The following CYB5R3 variants were observed in gnomAD, a reference collection of about 807,000 sequenced individuals.
CYB5R3 encodes the protein NADH-cytochrome b5 reductase 3.
In CYB5R3, 28 loss-of-function variants were observed where a neutral mutation model predicts 36.5. The observed-to-expected ratio is 0.77, with a 90% CI of 0.57 to 1.05. CYB5R3 has a LOEUF of 1.05. Among genes scored for constraint, CYB5R3 ranks in the 50% least tolerant of loss-of-function variants. CYB5R3 has a pLI of 0.00. For missense variants in CYB5R3, 474 were observed against 408.9 expected (o/e 1.16, Z -1.37); for synonymous variants, 181 against 159.8 (o/e 1.13, Z -1.00).
intron 8 of CYB5R3, among the ~76,000 whole-genome samples, chr22:42,620,515 A>G (rs1927907787): frequency 6.6e-6 from 1 of 152,074 alleles, no homozygotes; most frequent in Non-Finnish European, 1.5e-5. Context: ...TGCCCCCTCG[A>G]GCCCTGAGCG....
chr22:42,631,016 G>A (rs1336879059), intron 3 of CYB5R3, 28 bp from the exon 4 acceptor site: 1 of 1,594,990 alleles, frequency 6.3e-7, no homozygotes, highest in Admixed American at 1.7e-5. Flanking sequence ...GTCACTCTGG[G>A]CCAGAGATCA....
At chr22:42,631,328 C>T (rs1928604083) in intron 3 of CYB5R3, 50 bp downstream of exon 3, 2 of 1,496,042 alleles carry the variant, frequency 1.3e-6, no homozygotes, top group South Asian at 1.2e-5. Context: ...TGATCTAGTG[C>T]CCCAGCAGCC....
At chr22:42,628,324 T>C in intron 4 of CYB5R3, 43 bp from the exon 5 acceptor site, 1 of 1,611,046 alleles carries the variant, frequency 6.2e-7, no homozygotes. Context: ...GCTCCAGGTC[T>C]CAGGGGCGAG....
At chr22:42,627,978 C>T (rs1297939961) in intron 5 of CYB5R3, among the ~76,000 whole-genome samples, 174 bp downstream of exon 5, 3 of 152,070 alleles carry the variant, frequency 2.0e-5, no homozygotes, top group Non-Finnish European at 2.9e-5. Context: ...ACCCCTGTGC[C>T]AGCAACTTAC....
rs67349863 is a variant in CYB5R3, at chr22:42,638,728, T to TAA, written c.22-1884_22-1883dup. Among the ~76,000 whole-genome samples, 44 of 47,502 alleles carry TAA rather than the reference T, an allele frequency of 9.3e-4. 3 individuals carry two copies. The highest frequency in any genetic ancestry group is 1.2e-3 in the Non-Finnish European group (34 of 27,750). 31.2% of individuals were successfully genotyped at this position (47,502 alleles called of 152,430 possible). A position where few individuals can be genotyped will look rare whatever the true frequency, so the allele number is the denominator to read the frequency against. The stretch of plus-strand genomic sequence containing the variant: ...GCCTGGGAGACAGAGCAAGACTCCA[T>TAA]AAAAAAAAAAAAAAAAAAAAAAGGC... On this transcript the variant is annotated intron_variant, in intron 1 of 8. Transcript: ENST00000352397.
At position 42,627,120 on chromosome 22, in the gene CYB5R3, C is replaced by T. The variant is rs874341; in HGVS notation, c.633+184G>A. ...CCCTCAGCCAGACACAGGCGCTGCA[C>T]CACAAAGCCTGCCCGCCGTGCTGCT... On this transcript the variant is annotated intron_variant, in intron 7 of 8. Transcript: ENST00000352397. Among the ~76,000 whole-genome samples, 253 of 152,326 alleles carry T rather than the reference C, an allele frequency of 1.7e-3. 2 individuals are homozygous for T. The highest frequency in any genetic ancestry group is 5.8e-3 in the African/African-American group (240 of 41,578).
chr22:42,636,678 T>C (rs1404478358), intron 2 of CYB5R3, 37 bp downstream of exon 2: 2 of 1,604,458 alleles, frequency 1.2e-6, no homozygotes, highest in Admixed American at 3.4e-5. Flanking sequence ...GGCAATGCTG[T>C]GATGCTGACG....
chr22:42,640,750 G>C (rs1411757127), intron 1 of CYB5R3: 1 of 55,656 alleles, frequency 1.8e-5, no homozygotes, highest in African/African-American at 3.6e-5. Context: ...ACTACCCCCT[G>C]CCTCCTCCTC....
At chr22:42,646,901 G>T in intron 1 of CYB5R3, 2 of 985,542 alleles carry the variant, frequency 2.0e-6, no homozygotes. Flanking sequence ...AGCCTGTCAG[G>T]GTCGCTGAGC....
chr22:42,639,975 G>A (rs772255443), intron 1 of CYB5R3: 1 of 1,610,976 alleles, frequency 6.2e-7, no homozygotes, highest in South Asian at 1.1e-5. Context: ...AAACATTCTA[G>A]CCAATGATGC....
chr22:42,634,914 C>T (rs563178264), intron 2 of CYB5R3, among the ~76,000 whole-genome samples: 7 of 151,342 alleles, frequency 4.6e-5, no homozygotes, highest in African/African-American at 1.7e-4. Context: ...ACGCCATTCT[C>T]CTGCTTCAGC....
rs1229980458 is a variant in CYB5R3, at chr22:42,623,895, G to A, written c.634-7C>T. 6.2e-7 allele frequency: 1 copy of A among 1,613,282 alleles called. No homozygotes were observed. Among genetic ancestry groups the A allele is most frequent in the Non-Finnish European group, 8.5e-7 (1 of 1,179,320 alleles). On this transcript the variant is annotated splice_polypyrimidine_tract_variant and splice_region_variant and intron_variant, in intron 7 of 8. Coordinates refer to ENST00000352397, the MANE Select transcript of CYB5R3 (RefSeq NM_000398.7). ...GCAGGATGTCCTTCTCGGTCTGCAG[G>A]GGACAGGGCCAGGCAGTCAGGAAGG... is the stretch of plus-strand genomic sequence containing the variant.
intron 3 of CYB5R3, 78 bp from the exon 4 acceptor site, chr22:42,631,066 T>C: frequency 1.6e-6 from 2 of 1,274,330 alleles, no homozygotes; most frequent in Non-Finnish European, 2.2e-6. Context: ...CCCACTCCCC[T>C]GCACCCCACC....
chr22:42,627,735 G>T, intron 5 of CYB5R3, 47 bp from the exon 6 acceptor site: 1 of 1,412,932 alleles, frequency 7.1e-7, no homozygotes, highest in Non-Finnish European at 1.0e-6. Context: ...CATGCCATGT[G>T]TGGTGGCTGG....
intron 2 of CYB5R3, chr22:42,631,869 CAGGCCTGCATCCCAAGAGA>C (rs1380624128): frequency 1.0e-4 from 23 of 220,308 alleles, no homozygotes; most frequent in Admixed American, 3.5e-4. Flanking sequence ...TGCACGTGCC[CAGGCCTGCATCCCAAGAGA>C]GGGGCTGCAG....
At chr22:42,648,997 G>A (rs1226998172) in intron 1 of CYB5R3, among the ~76,000 whole-genome samples, 2 of 152,174 alleles carry the variant, frequency 1.3e-5, no homozygotes, top group African/African-American at 2.4e-5. Flanking sequence ...CAGCAGCCAA[G>A]GCCCCACGGC....
At position 42,636,939 on chromosome 22, in the gene CYB5R3, C is replaced by T. The variant is rs1928934939; in HGVS notation, c.22-93G>A. ...CACTACCAGGCCTCTGCTCACGCTG[C>T]CCCCTCTGCCAGGAGCACCCTCTCC... On this transcript the variant is annotated intron_variant, in intron 1 of 8. Coordinates refer to ENST00000352397, the MANE Select transcript of CYB5R3 (RefSeq NM_000398.7). The T allele has an allele frequency of 5.3e-6, 8 of 1,521,560 alleles. No individual in the cohort carries two copies. The Admixed American group carries it at 1.3e-4, about 26-fold the overall frequency. The allele number at this position is 1,521,560 out of a possible 1,614,324, so 94.3% of individuals were successfully genotyped here.
chr22:42,649,233 C>A, intron 1 of CYB5R3, 62 bp downstream of exon 1: 1 of 792,604 alleles, frequency 1.3e-6, no homozygotes, highest in Non-Finnish European at 1.6e-6. Flanking sequence ...AGCCCGCCCC[C>A]TCGCCGCCGG....
At chr22:42,647,534 G>T (rs1177465525) in intron 1 of CYB5R3, among the ~76,000 whole-genome samples, 1 of 152,230 alleles carries the variant, frequency 6.6e-6, no homozygotes, top group Non-Finnish European at 1.5e-5. Flanking sequence ...GATCATCTGA[G>T]GTCAGGAGTT....
Sources: gnomAD v4.1 joint callset for allele counts (sites outside exome capture counted in the v4.1 genomes callset) on GRCh38, gnomAD v4.1.1 for gene constraint, MANE v1.5 for transcripts, NCBI Gene and HGNC (gene_info 2026-07-23, HGNC 2026-07-21) for gene names.